Variants in CENPT observed in about 807,000 individuals in gnomAD.
The protein encoded by CENPT is centromere protein T.
In CENPT, 42 loss-of-function variants were observed where a neutral mutation model predicts 59.7. The observed-to-expected ratio is 0.70, with a 90% CI of 0.55 to 0.91. The LOEUF (loss-of-function observed/expected upper bound fraction) is 0.91. Among genes scored for constraint, CENPT ranks in the 40% least tolerant of loss-of-function variants. CENPT has a pLI of 0.00. For missense variants in CENPT, 716 were observed against 713.4 expected, an observed-to-expected ratio of 1.00 and a Z score of -0.04; for synonymous variants, 295 against 289.6, an observed-to-expected ratio of 1.02 and a Z score of -0.19.
Position 67,842,578 on chromosome 16 carries a change from G to C in CENPT, c.-492+4823C>G. 6.5e-7 allele frequency: 1 copy of C among 1,542,916 alleles called. No individual in the cohort carries two copies. Among genetic ancestry groups the C allele is most frequent in the Non-Finnish European group, 8.8e-7 (1 of 1,142,048 alleles). ...CCATGCCTGGCTTTACGTGCTGCGT[G>C]CCAGGCTGCTACAACAACTCGCACC... On this transcript the variant is annotated intron_variant, in intron 1 of 15. Coordinates refer to ENST00000562787, the MANE Select transcript of CENPT (RefSeq NM_025082.4). The surrounding 1 kb of genome is among the most constrained non-coding windows in gnomAD (Gnocchi z 4.9).
chr16:67,846,422 G>T (rs2057798675), intron 1 of CENPT, among the ~76,000 whole-genome samples: 1 of 152,266 alleles, frequency 6.6e-6, no homozygotes, highest in African/African-American at 2.4e-5. Flanking sequence ...GCGCACGAAT[G>T]TTGGGATTGC....
chr16:67,843,563 G>T lies in CENPT; in HGVS notation c.-492+3838C>A. 1 of 1,518,048 alleles carries T rather than the reference G, an allele frequency of 6.6e-7. No individual in the cohort carries two copies. The highest frequency in any genetic ancestry group is 8.9e-7 in the Non-Finnish European group (1 of 1,119,348). 94.0% of individuals were successfully genotyped at this position (1,518,048 alleles called of 1,614,324 possible). A position where few individuals can be genotyped will look rare whatever the true frequency, so the allele number is the denominator to read the frequency against. On this transcript the variant is annotated intron_variant, in intron 1 of 15. Coordinates refer to ENST00000562787, the MANE Select transcript of CENPT (RefSeq NM_025082.4). This position sits in a 1 kb window ranked among gnomAD's most constrained non-coding sequence, Gnocchi z 5.7. ...TCCAGCCAGGGGACCGCAGGCCATT[G>T]TTGAACTCCTCTATACTCCTGGGCA...
rs1245890643 is a variant in CENPT at position 67,834,019 on chromosome 16, CTCCGGA to C, written c.-166_-161del. On this transcript the variant is annotated 5_prime_UTR_variant, in exon 4 of 16. Coordinates refer to ENST00000562787, the MANE Select transcript of CENPT (RefSeq NM_025082.4). ...CGGGGTGGACAGTGATGGTTGCAAA[CTCCGGA>C]TGCTTTGGAGGCAGCCTCGCTGCGG... 13 of 512,462 alleles carry C rather than the reference CTCCGGA, an allele frequency of 2.5e-5. No individual in the cohort carries two copies. In the South Asian group the frequency reaches 3.0e-4, roughly 12 times the overall value. 31.7% of individuals were successfully genotyped at this position (512,462 alleles called of 1,614,324 possible).
chr16:67,838,914 G>T (rs558561850), intron 1 of CENPT, among the ~76,000 whole-genome samples: 1 of 147,690 alleles, frequency 6.8e-6, no homozygotes, highest in African/African-American at 2.5e-5. Flanking sequence ...GCCACAGTGT[G>T]AGTGCAAGAC....
intron 1 of CENPT, among the ~76,000 whole-genome samples, chr16:67,839,445 A>T (rs913240206): frequency 5.3e-5 from 8 of 151,886 alleles, no homozygotes; most frequent in Non-Finnish European, 1.2e-4. Context: ...CTGTAATCCC[A>T]GTTACCTGGG....
intron 4 of CENPT, among the ~76,000 whole-genome samples, 193 bp downstream of exon 4, chr16:67,833,555 CAG>C (rs2057713268): frequency 6.6e-6 from 1 of 152,274 alleles, no homozygotes; most frequent in African/African-American, 2.4e-5. Context: ...AACCAGTTCT[CAG>C]AGTCCCAGGC....
chr16:67,839,569 AAAAT>A (rs567428414), intron 1 of CENPT, among the ~76,000 whole-genome samples: 82 of 151,876 alleles, frequency 5.4e-4, no homozygotes, highest in Admixed American at 3.3e-3. Context: ...AAGAAAAATA[AAAAT>A]AAATAAATAA....
In CENPT at chr16:67,831,803, T is replaced by A. The variant is rs753419395; in HGVS notation, c.474A>T (p.Arg158Ser). ...LAPGRRKQRLRLSVFQQGVDQ... is the reference protein window; with the variant it reads ...LAPGRRKQRLSLSVFQQGVDQ... The stretch of plus-strand genomic sequence containing the variant: ...CCACTCCCTGCTGAAACACTGACAG[T>A]CTCAGCCTCTGTTTCCTCCTGCCAG... Residue 158 changes from arginine to serine, a missense_variant, in exon 8 of 16, where the codon AGA becomes AGT. Arg to Ser is a moderately radical substitution (Grantham distance 110). Coordinates refer to ENST00000562787, the MANE Select transcript of CENPT (RefSeq NM_025082.4). The A allele has an allele frequency of 6.3e-7, 1 of 1,599,090 alleles. No individual in the cohort carries two copies.
intron 1 of CENPT, chr16:67,847,159 G>C (rs970199497): frequency 1.3e-5 from 2 of 148,616 alleles, no homozygotes; most frequent in Non-Finnish European, 3.0e-5. Flanking sequence ...GCCTCCCGCC[G>C]GTCCTGTGAG....
At position 67,832,500 on chromosome 16, in the gene CENPT, A is replaced by G; in HGVS notation, c.156T>C (p.Ser52=). The G allele has an allele frequency of 6.2e-7, 1 of 1,614,010 alleles. No homozygotes were observed. Among genetic ancestry groups the G allele is most frequent in the Non-Finnish European group, 8.5e-7 (1 of 1,179,986 alleles). ...CTCTGGCTATCGTCCTTGTTTGGCC[A>G]CTCAACTTCCTGGGGGAAGCCGTTT... ...LLETASPRKL[S]GQTRTIARGR... is the part of the protein sequence containing the mutation. The change falls in exon 5 of 16, where the codon AGT becomes AGC. Residue 52 remains serine (S), a synonymous_variant. Transcript: ENST00000562787.
At chr16:67,846,562 G>A (rs1248688289) in intron 1 of CENPT, among the ~76,000 whole-genome samples, 1 of 152,254 alleles carries the variant, frequency 6.6e-6, no homozygotes, top group Non-Finnish European at 1.5e-5. Context: ...GGGGCAGCTG[G>A]GCCAGCTTGG....
intron 1 of CENPT, among the ~76,000 whole-genome samples, chr16:67,838,044 T>C (rs936635671): frequency 3.3e-5 from 5 of 152,188 alleles, no homozygotes; most frequent in African/African-American, 4.8e-5. Flanking sequence ...CTTGCCTTTC[T>C]CCAGGGGTGA....
rs781009614 is a variant in CENPT at position 67,829,784 on chromosome 16, C to G, written c.1167G>C (p.Glu389Asp). ...ADGPGASSGD[E>D]DASGRAASPE... Reference sequence around the variant, plus strand: ...TCTTACCTGCCCTGCCAGAGGCATCCTCATCCCCTGAAGATGCTCCTGGCC... The same window carrying G: ...TCTTACCTGCCCTGCCAGAGGCATCGTCATCCCCTGAAGATGCTCCTGGCC... The change falls in exon 12 of 16, where the codon GAG becomes GAC. Residue 389 changes from glutamate (E) to aspartate (D), a missense_variant. Transcript: ENST00000562787. 1 of 1,614,104 alleles carries G rather than the reference C, an allele frequency of 6.2e-7. No individual in the cohort carries two copies. Among genetic ancestry groups the G allele is most frequent in the Non-Finnish European group, 8.5e-7 (1 of 1,179,968 alleles).
intron 1 of CENPT, among the ~76,000 whole-genome samples, chr16:67,840,466 A>G (rs2057754206): frequency 6.6e-6 from 1 of 152,202 alleles, no homozygotes; most frequent in Non-Finnish European, 1.5e-5. Flanking sequence ...GCTGGGGGCC[A>G]TTATCCTTAG....
At chr16:67,841,766 G>A (rs2057762698) in intron 1 of CENPT, 1 of 152,270 alleles carries the variant, frequency 6.6e-6, no homozygotes, top group Non-Finnish European at 1.5e-5. Context: ...GGCAGCAGCT[G>A]AATCAGGAGA....
intron 1 of CENPT, among the ~76,000 whole-genome samples, chr16:67,838,406 G>C (rs2057744050): frequency 6.6e-6 from 1 of 152,144 alleles, no homozygotes; most frequent in South Asian, 2.1e-4. Context: ...CTGATCACCT[G>C]GGGTCAGGAG....
chr16:67,829,361 C>T, intron 13 of CENPT, 62 bp downstream of exon 13: 1 of 1,340,942 alleles, frequency 7.5e-7, no homozygotes, highest in Non-Finnish European at 1.0e-6. Context: ...ACCCTATGTA[C>T]ACAGCATACC....
chr16:67,839,693 C>T (rs1159104578), intron 1 of CENPT, among the ~76,000 whole-genome samples: 4 of 151,604 alleles, frequency 2.6e-5, no homozygotes, highest in African/African-American at 4.8e-5. Flanking sequence ...CCCAACATGG[C>T]GAAACCCTGT....
At chr16:67,832,161 A>G (rs899229396) in intron 6 of CENPT, 53 bp from the exon 7 acceptor site, 5 of 1,608,726 alleles carry the variant, frequency 3.1e-6, no homozygotes, top group Non-Finnish European at 3.4e-6. Context: ...CACCCTGAAT[A>G]AAAGATACCA....
Sources: gnomAD v4.1 joint callset for allele counts (sites outside exome capture counted in the v4.1 genomes callset) on GRCh38, gnomAD v4.1.1 for gene constraint, Gnocchi (gnomAD v3.1) non-coding constraint, MANE v1.5 for transcripts, NCBI Gene and HGNC (gene_info 2026-07-23, HGNC 2026-07-21) for gene names.